Variants in CYBA observed in about 807,000 individuals in gnomAD.
CYBA encodes cytochrome b-245 alpha chain, also known as cytochrome b-245 light chain.
Under a neutral mutation model 20.8 loss-of-function variants are expected in CYBA, and 21 were observed. The ratio of observed to expected loss-of-function variants is 1.01; its 90% CI spans 0.72 to 1.46. The LOEUF (loss-of-function observed/expected upper bound fraction) is 1.46, where lower values mean the gene tolerates loss of function less well. Among genes scored for constraint, CYBA ranks in the 40% most tolerant of loss-of-function variants. CYBA has a pLI of 0.00. For synonymous variants in CYBA, 164 were observed against 127.5 expected (o/e 1.29, Z -1.93); for missense variants, 344 against 287.0 (o/e 1.20, Z -1.43).
intron 3 of CYBA, 96 bp downstream of exon 3, chr16:88,647,005 G>T: frequency 2.3e-6 from 3 of 1,293,784 alleles, no homozygotes; most frequent in Non-Finnish European, 1.1e-6. Context: ...GTTGGTTCCG[G>T]AGCCTCCAAG....
chr16:88,646,532 C>A, intron 4 of CYBA: 2 of 699,858 alleles, frequency 2.9e-6, no homozygotes, highest in Non-Finnish European at 5.2e-6. Flanking sequence ...CAGACCCTGG[C>A]GACGGATCGG....
At chr16:88,646,045 G>T in intron 5 of CYBA, 71 bp downstream of exon 5, 3 of 1,297,396 alleles carry the variant, frequency 2.3e-6, no homozygotes, top group Non-Finnish European at 1.1e-6. Context: ...AGGGCCATGC[G>T]TGTCCGAGGG....
In CYBA at chr16:88,647,641, C is replaced by G. The variant is rs575155889; in HGVS notation, c.128+404G>C. ...GGGGCTGCCCACGCCCTCCCTCCCA[C>G]CACCCTGCCCAGTGCTCCTTGTCGC... On this transcript the variant is annotated intron_variant, in intron 2 of 5. Transcript: ENST00000261623. The G allele has an allele frequency of 5.4e-4, 201 of 375,202 alleles. 1 individual carries two copies. Among genetic ancestry groups the G allele is most frequent in the Admixed American group, 1.2e-3 (32 of 25,974 alleles). The allele number at this position is 375,202 out of a possible 1,614,324, so 23.2% of individuals were successfully genotyped here. A position where few individuals can be genotyped will look rare whatever the true frequency, so the allele number is the denominator to read the frequency against.
intron 5 of CYBA, among the ~76,000 whole-genome samples, chr16:88,644,432 T>C (rs533737460): frequency 1.6e-4 from 24 of 152,184 alleles, no homozygotes; most frequent in Non-Finnish European, 2.5e-4. Flanking sequence ...ACGCGCCAAG[T>C]TAACAGACCC....
intron 1 of CYBA, among the ~76,000 whole-genome samples, chr16:88,649,927 C>T (rs930228232): frequency 6.6e-6 from 1 of 152,204 alleles, no homozygotes; most frequent in African/African-American, 2.4e-5. Flanking sequence ...CACGGGGCAG[C>T]TCTGGGGAGA....
At chr16:88,647,878 AGGGGCCTGGCTGCT>A (rs1191298819) in intron 2 of CYBA, 153 bp downstream of exon 2, 3 of 683,708 alleles carry the variant, frequency 4.4e-6, no homozygotes, top group African/African-American at 3.5e-5. Context: ...GGTCCTGGCG[AGGGGCCTGGCTGCT>A]GGGGCCTGGG....
At chr16:88,646,395 G>C in intron 4 of CYBA, 198 bp from the exon 5 acceptor site, 2 of 190,618 alleles carry the variant, frequency 1.0e-5, no homozygotes, top group East Asian at 3.3e-4. Flanking sequence ...TGGTGCACTT[G>C]CTCGGAGGAA....
At position 88,647,118 on chromosome 16, in the gene CYBA, G is replaced by A. The variant is rs1031460674; in HGVS notation, c.186C>T (p.Gly62=). 6.2e-7 allele frequency: 1 copy of A among 1,610,470 alleles called. No individual in the cohort carries two copies. Among genetic ancestry groups the A allele is most frequent in the Non-Finnish European group, 8.5e-7 (1 of 1,179,604 alleles). The stretch of plus-strand genomic sequence containing the variant: ...AGACTCACCAGCGCTCCATGGTGGA[G>A]CCCTTCTTCCTCTTCCCCCGGGGGT... ...LEYPRGKRKK[G]STMERWGQKY... The change falls in exon 3 of 6, where the codon GGC becomes GGT. Residue 62 remains glycine (G), a synonymous_variant. Transcript: ENST00000261623.
chr16:88,648,581 A>G (rs1597373098), intron 1 of CYBA, among the ~76,000 whole-genome samples: 1 of 150,446 alleles, frequency 6.6e-6, no homozygotes, highest in African/African-American at 2.4e-5. Flanking sequence ...CTATTTCTGC[A>G]CATTTTTGGG....
rs1018292854 is a variant in CYBA, at chr16:88,647,992, C to A, written c.128+53G>T. ...AAACAGCTCACTGTGAAGTGGCTCCCCAGCTCTGCCCTGGGCGTTCCCCGC... is the reference window on the plus strand; with the variant it reads ...AAACAGCTCACTGTGAAGTGGCTCCACAGCTCTGCCCTGGGCGTTCCCCGC... On this transcript the variant is annotated intron_variant, in intron 2 of 5. Coordinates refer to ENST00000261623, the MANE Select transcript of CYBA (RefSeq NM_000101.4). 1.0e-5 allele frequency: 16 copies of A among 1,547,500 alleles called. No homozygotes were observed. The African/African-American group carries it at 2.2e-4, about 21-fold the overall frequency.
Position 88,643,408 on chromosome 16 carries a change from C to G in CYBA, c.533G>C (p.Gly178Ala), listed in dbSNP as rs914005525. 5.2e-6 allele frequency: 8 copies of G among 1,532,348 alleles called. No individual in the cohort carries two copies. The highest frequency in any genetic ancestry group is 1.4e-5 in the African/African-American group (1 of 71,400). The allele number at this position is 1,532,348 out of a possible 1,614,324, so 94.9% of individuals were successfully genotyped here. Residue 178 changes from glycine to alanine, a missense_variant, in exon 6 of 6, where the codon GGA becomes GCA. Physicochemically the swap from Gly to Ala is moderately conservative, Grantham distance 60 (BLOSUM62 0). Coordinates refer to ENST00000261623, the MANE Select transcript of CYBA (RefSeq NM_000101.4). This position sits in a 1 kb window ranked among gnomAD's most constrained non-coding sequence, Gnocchi z 4.3. ...SEEEAAVAAG[G>A]PPGGPQVNPI... ...GTTGACCTGGGGACCTCCCGGGGGT[C>G]CCCCCGCCGCCACCGCAGCCTCCTC...
At position 88,646,780 on chromosome 16, in the gene CYBA, A is replaced by T. The variant is rs756109806; in HGVS notation, c.262T>A (p.Tyr88Asn). The change falls in exon 4 of 6, where the codon TAT becomes AAT. Residue 88 changes from tyrosine to asparagine, a missense_variant. Transcript: ENST00000261623. ...KLFGPFTRNYYVRAVLHLLLS... is the reference protein window; with the variant it reads ...KLFGPFTRNYNVRAVLHLLLS... ...AGGAGATGCAGGACGGCCCGAACAT[A>T]GTAATTCCTGGTAAAGGGCCCGAAC... The T allele has an allele frequency of 6.2e-7, 1 of 1,613,928 alleles. No homozygotes were observed. Among genetic ancestry groups the T allele is most frequent in the South Asian group, 1.1e-5 (1 of 91,080 alleles).
Position 88,647,098 on chromosome 16 carries a change from C to T in CYBA, c.203+3G>A. On this transcript the variant is annotated splice_donor_region_variant and intron_variant, in intron 3 of 5. Coordinates refer to ENST00000261623, the MANE Select transcript of CYBA (RefSeq NM_000101.4). ...AGAGACCCCAGAGCAGGAGGAGACT[C>T]ACCAGCGCTCCATGGTGGAGCCCTT... 6.2e-7 allele frequency: 1 copy of T among 1,609,892 alleles called. No individual in the cohort carries two copies. Among genetic ancestry groups the T allele is most frequent in the East Asian group, 2.2e-5 (1 of 44,826 alleles).
At chr16:88,646,545 C>T (rs1289064550) in intron 4 of CYBA, 1 of 702,012 alleles carries the variant, frequency 1.4e-6, no homozygotes, top group Non-Finnish European at 2.6e-6. Context: ...CGGATCGGAG[C>T]TCCTCGGATT....
At chr16:88,646,699 G>A in intron 4 of CYBA, 56 bp downstream of exon 4, 1 of 1,487,882 alleles carries the variant, frequency 6.7e-7, no homozygotes, top group South Asian at 1.1e-5. Flanking sequence ...GGACAGTGGG[G>A]AGGGTCGGCT....
intron 1 of CYBA, among the ~76,000 whole-genome samples, chr16:88,650,024 C>T (rs1002872696): frequency 9.9e-5 from 15 of 152,184 alleles, no homozygotes; most frequent in Admixed American, 8.5e-4. Flanking sequence ...TGCAGGGCCC[C>T]GTCCTCCAGC....
chr16:88,650,288 G>A (rs995577799), intron 1 of CYBA: 1 of 436,964 alleles, frequency 2.3e-6, no homozygotes, highest in Non-Finnish European at 4.7e-6. Context: ...CCCTGGTCCC[G>A]AGAGGGTCCA....
Position 88,647,094 on chromosome 16 carries a change from G to A in CYBA, c.203+7C>T, listed in dbSNP as rs771122818. ...CCGGAGAGACCCCAGAGCAGGAGGA[G>A]ACTCACCAGCGCTCCATGGTGGAGC... On this transcript the variant is annotated splice_region_variant and intron_variant, in intron 3 of 5. Transcript: ENST00000261623. 1.2e-6 allele frequency: 2 copies of A among 1,609,386 alleles called. No individual in the cohort carries two copies. The highest frequency in any genetic ancestry group is 1.1e-5 in the South Asian group (1 of 90,914).
intron 4 of CYBA, chr16:88,646,472 C>T (rs1281204420): frequency 7.2e-6 from 5 of 696,988 alleles, no homozygotes; most frequent in Non-Finnish European, 1.0e-5. Context: ...CGGAACCCTC[C>T]ACCCTACCAG....
Sources: gnomAD v4.1 joint callset for allele counts (sites outside exome capture counted in the v4.1 genomes callset) on GRCh38, gnomAD v4.1.1 for gene constraint, Gnocchi (gnomAD v3.1) non-coding constraint, MANE v1.5 for transcripts, NCBI Gene and HGNC (gene_info 2026-07-23, HGNC 2026-07-21) for gene names.